TERF1: variants seen among roughly 807,000 people sequenced by gnomAD.
The protein encoded by TERF1 is telomeric repeat binding factor 1.
A neutral mutation model predicts 55.1 loss-of-function variants in TERF1; 20 were observed. The observed-to-expected ratio is 0.36, with a 90% CI of 0.26 to 0.53. The LOEUF (loss-of-function observed/expected upper bound fraction) is 0.53. TERF1 is among the 20% of genes least tolerant of loss of function. The pLI is 0.91. For missense variants in TERF1, 439 were observed against 535.7 expected (o/e 0.82, Z 1.78); for synonymous variants, 168 against 181.2 (o/e 0.93, Z 0.59).
intron 1 of TERF1, chr8:73,009,513 C>T: frequency 3.1e-6 from 1 of 320,380 alleles, no homozygotes; most frequent in East Asian, 6.6e-5. Flanking sequence ...TCTCTTTTGG[C>T]GCTTTCTACT....
chr8:73,019,220 G>A (rs1442910834), intron 2 of TERF1, among the ~76,000 whole-genome samples: 3 of 151,824 alleles, frequency 2.0e-5, no homozygotes, highest in Admixed American at 1.3e-4. Context: ...GTGTGGGGGT[G>A]GGGGGAAGGT....
chr8:73,010,591 C>T (rs1052808212), intron 1 of TERF1: 1 of 152,182 alleles, frequency 6.6e-6, no homozygotes, highest in East Asian at 1.9e-4. Flanking sequence ...CCTAGCACCC[C>T]GATCTTGTTT....
At chr8:73,028,837 C>T (rs969071118) in intron 6 of TERF1, among the ~76,000 whole-genome samples, 2 of 152,064 alleles carry the variant, frequency 1.3e-5, no homozygotes, top group African/African-American at 4.8e-5. Context: ...GACTTATCTT[C>T]GTTGGTAACT....
At chr8:73,018,300 A>C (rs1348167944) in intron 2 of TERF1, among the ~76,000 whole-genome samples, 1 of 152,240 alleles carries the variant, frequency 6.6e-6, no homozygotes, top group Non-Finnish European at 1.5e-5. Flanking sequence ...CAGGAAATAA[A>C]GTAAAAATAT....
intron 6 of TERF1, among the ~76,000 whole-genome samples, chr8:73,027,537 T>G (rs1037127555): frequency 7.2e-5 from 11 of 152,238 alleles, no homozygotes; most frequent in Non-Finnish European, 1.6e-4. Context: ...TATTGAGAGA[T>G]AGTTGTTAAG....
intron 2 of TERF1, among the ~76,000 whole-genome samples, chr8:73,016,888 A>G (rs566659486): frequency 6.6e-6 from 1 of 152,270 alleles, no homozygotes; most frequent in Non-Finnish European, 1.5e-5. Flanking sequence ...AGTGCACTGG[A>G]TCCTCAGCCT....
In TERF1 at chr8:73,009,000, G is replaced by A. The variant is rs748353805; in HGVS notation, c.114G>A (p.Gln38=). ...MAETERNDEE[Q]FECQELLECQ... ...AAACAGAGAGAAACGACGAGGAGCA[G>A]TTCGAATGCCAGGAACTGCTCGAGT... The change falls in exon 1 of 10, where the codon CAG becomes CAA. Residue 38 remains glutamine (Q), a synonymous_variant. Transcript: ENST00000276603. 6 of 1,612,364 alleles carry A rather than the reference G, an allele frequency of 3.7e-6. No individual in the cohort carries two copies. Among genetic ancestry groups the A allele is most frequent in the Non-Finnish European group, 5.1e-6 (6 of 1,179,684 alleles).
chr8:73,041,534 T>C (rs894653134), intron 9 of TERF1, among the ~76,000 whole-genome samples: 11 of 152,162 alleles, frequency 7.2e-5, no homozygotes, highest in African/African-American at 2.7e-4. Flanking sequence ...GGGTGAGACA[T>C]GAAGGCTAGA....
At position 73,032,026 on chromosome 8, in the gene TERF1, T is replaced by C. The variant is rs770776470; in HGVS notation, c.948-16T>C. Reference sequence around the variant, plus strand: ...TCTTTCTGGAGCCAATTACAAACTTTCCTGTTTTATTTTAGGTCTCACAAG... The same window carrying C: ...TCTTTCTGGAGCCAATTACAAACTTCCCTGTTTTATTTTAGGTCTCACAAG... On this transcript the variant is annotated splice_polypyrimidine_tract_variant and intron_variant, in intron 7 of 9. Coordinates refer to ENST00000276603, the MANE Select transcript of TERF1 (RefSeq NM_017489.3). 109 of 1,588,876 alleles carry C rather than the reference T, an allele frequency of 6.9e-5. No individual in the cohort carries two copies. The highest frequency in any genetic ancestry group is 8.8e-5 in the Non-Finnish European group (103 of 1,164,416).
rs933036602 is a variant in TERF1, at chr8:73,031,921, A to G, written c.948-121A>G. The G allele has an allele frequency of 5.0e-6, 3 of 595,032 alleles. No individual in the cohort carries two copies. In the East Asian group the frequency reaches 9.1e-5, roughly 18 times the overall value. 36.9% of individuals were successfully genotyped at this position (595,032 alleles called of 1,614,324 possible). A position where few individuals can be genotyped will look rare whatever the true frequency, so the allele number is the denominator to read the frequency against. Reference sequence around the variant, plus strand: ...GGGTACTAAGCAGGGAGAGCACCAAAGGAAGTAGGCCAAAGTATTAATAGA... The same window carrying G: ...GGGTACTAAGCAGGGAGAGCACCAAGGGAAGTAGGCCAAAGTATTAATAGA... On this transcript the variant is annotated intron_variant, in intron 7 of 9. Coordinates refer to ENST00000276603, the MANE Select transcript of TERF1 (RefSeq NM_017489.3).
chr8:73,037,216 T>G (rs1454078963), intron 8 of TERF1, among the ~76,000 whole-genome samples: 1 of 136,390 alleles, frequency 7.3e-6, no homozygotes, highest in Non-Finnish European at 1.5e-5. Context: ...AATTTATATA[T>G]AATTATAATA....
At chr8:73,044,105 C>T (rs567137165) in intron 9 of TERF1, among the ~76,000 whole-genome samples, 27 of 152,240 alleles carry the variant, frequency 1.8e-4, no homozygotes, top group African/African-American at 5.8e-4. Context: ...ATTAATGCAT[C>T]TCTTGGTTTT....
intron 8 of TERF1, chr8:73,038,713 T>C: frequency 3.2e-6 from 3 of 934,336 alleles, no homozygotes; most frequent in Non-Finnish European, 3.8e-6. Flanking sequence ...CAGTTACATA[T>C]ATTTGTCTTA....
At chr8:73,017,806 G>A (rs558529661) in intron 2 of TERF1, among the ~76,000 whole-genome samples, 4 of 151,760 alleles carry the variant, frequency 2.6e-5, no homozygotes, top group African/African-American at 9.7e-5. Context: ...GGGTTCAAGC[G>A]ATTCTTCTGC....
At chr8:73,019,229 G>C (rs2129758496) in intron 2 of TERF1, among the ~76,000 whole-genome samples, 1 of 152,018 alleles carries the variant, frequency 6.6e-6, no homozygotes, top group East Asian at 1.9e-4. Flanking sequence ...TGGGGGGAAG[G>C]TAGTCTAGAT....
intron 3 of TERF1, among the ~76,000 whole-genome samples, chr8:73,021,550 C>G (rs968200827): frequency 1.3e-5 from 2 of 152,080 alleles, no homozygotes; most frequent in African/African-American, 4.8e-5. Flanking sequence ...TACTATTTGC[C>G]AGGCACTGTT....
intron 1 of TERF1, 158 bp from the exon 2 acceptor site, chr8:73,013,736 CT>C (rs747922847): frequency 7.9e-4 from 446 of 564,130 alleles, no homozygotes; most frequent in South Asian, 1.3e-3. Flanking sequence ...CATTGCTATT[CT>C]TTTTTTTTGT....
chr8:73,022,194 G>T (rs1554554046), intron 3 of TERF1, 22 bp from the exon 4 acceptor site: 4 of 1,475,348 alleles, frequency 2.7e-6, no homozygotes, highest in Non-Finnish European at 3.7e-6. Flanking sequence ...GCAGTCTAAG[G>T]TTGGTATTTT....
At chr8:73,043,057 T>C (rs1479559313) in intron 9 of TERF1, 1 of 152,214 alleles carries the variant, frequency 6.6e-6, no homozygotes, top group African/African-American at 2.4e-5. Flanking sequence ...TATGAAATTG[T>C]ACTGCCCTTA....
Sources: gnomAD v4.1 joint callset for allele counts (sites outside exome capture counted in the v4.1 genomes callset) on GRCh38, gnomAD v4.1.1 for gene constraint, MANE v1.5 for transcripts, NCBI Gene and HGNC (gene_info 2026-07-23, HGNC 2026-07-21) for gene names.